The following SV2C variants were observed in gnomAD, a reference collection of about 807,000 sequenced individuals.
SV2C encodes synaptic vesicle glycoprotein 2C, also known as solute carrier family 22 member B3.
A neutral mutation model predicts 79.7 loss-of-function variants in SV2C; 49 were observed. The observed-to-expected ratio is 0.61, with a 90% confidence interval of 0.49 to 0.78. The LOEUF (loss-of-function observed/expected upper bound fraction) is 0.78, where lower values mean the gene tolerates loss of function less well. SV2C is among the 30% of genes least tolerant of loss of function. SV2C has a pLI of 0.00. For synonymous variants in SV2C, 334 were observed against 333.2 expected (o/e 1.00, Z -0.03); for missense variants, 833 against 912.9 (o/e 0.91, Z 1.13).
chr5:76,254,160 ATGTG>A (rs1474326550), intron 4 of SV2C, among the ~76,000 whole-genome samples: 1 of 89,318 alleles, frequency 1.1e-5, no homozygotes, highest in Non-Finnish European at 2.6e-5. Context: ...ATATATATAT[ATGTG>A]TGTGTGTGTA....
At chr5:76,258,111 G>C (rs1324834536) in intron 4 of SV2C, among the ~76,000 whole-genome samples, 1 of 146,564 alleles carries the variant, frequency 6.8e-6, no homozygotes, top group Non-Finnish European at 1.5e-5. Flanking sequence ...GTGTGTGGGG[G>C]TGTGGTGTAT....
At chr5:75,943,023 T>C in the SV2C span, among the ~76,000 whole-genome samples, 1 of 152,036 alleles carries the variant, frequency 6.6e-6, no homozygotes, top group African/African-American at 2.4e-5. Flanking sequence ...AACAAATAAA[T>C]AAGCAAATGC....
chr5:76,034,794 C>T, the SV2C span, among the ~76,000 whole-genome samples: 1 of 152,250 alleles, frequency 6.6e-6, no homozygotes, highest in East Asian at 1.9e-4. Flanking sequence ...CCCTCTTTTT[C>T]TATTGATTGG....
chr5:76,080,602 T>A (rs76842389), upstream of SV2C, among the ~76,000 whole-genome samples: 791 of 152,348 alleles, frequency 5.2e-3, 8 homozygotes, highest in African/African-American at 0.018. Context: ...GTACTTAGTG[T>A]GAATTATTTT....
the SV2C span, among the ~76,000 whole-genome samples, chr5:75,989,037 A>G: frequency 1.3e-5 from 2 of 151,948 alleles, no homozygotes; most frequent in Non-Finnish European, 2.9e-5. Context: ...TTCTTTCTTA[A>G]ATATACTACA....
intron 3 of SV2C, among the ~76,000 whole-genome samples, chr5:76,204,818 A>T (rs939625040): frequency 6.6e-6 from 1 of 152,124 alleles, no homozygotes; most frequent in Non-Finnish European, 1.5e-5. Flanking sequence ...AACAAACATA[A>T]TCCCCACTGG....
At chr5:76,276,678 C>T (rs149197801) in intron 4 of SV2C, among the ~76,000 whole-genome samples, 4 of 150,994 alleles carry the variant, frequency 2.6e-5, no homozygotes, top group African/African-American at 4.9e-5. Flanking sequence ...ACTCTGTCAC[C>T]TAGTAGCTAT....
chr5:75,989,100 T>C, the SV2C span, among the ~76,000 whole-genome samples: 1 of 151,960 alleles, frequency 6.6e-6, no homozygotes, highest in Non-Finnish European at 1.5e-5. Context: ...AATTTGTCAA[T>C]AGGTGGAGTT....
At chr5:76,123,151 C>T (rs1748586428) in intron 1 of SV2C, among the ~76,000 whole-genome samples, 1 of 152,180 alleles carries the variant, frequency 6.6e-6, no homozygotes, top group Non-Finnish European at 1.5e-5. Context: ...TTCGTCGACA[C>T]ATACACTCTC....
At chr5:76,239,640 A>G (rs1389040769) in intron 4 of SV2C, among the ~76,000 whole-genome samples, 6 of 152,174 alleles carry the variant, frequency 3.9e-5, no homozygotes, top group Non-Finnish European at 5.9e-5. Flanking sequence ...GTTCATCTCC[A>G]CATGAGCCTC....
At chr5:75,904,244 G>A in the SV2C span, among the ~76,000 whole-genome samples, 1 of 152,046 alleles carries the variant, frequency 6.6e-6, no homozygotes, top group South Asian at 2.1e-4. Flanking sequence ...TTTGGCGAGG[G>A]TATTTTGTTT....
rs778337902 is a variant in SV2C, at chr5:76,173,673, C to T, written c.581-21246C>T. On this transcript the variant is annotated intron_variant, in intron 2 of 12. Transcript: ENST00000502798. Reference sequence around the variant, plus strand: ...GACTTTTTGCGAGCCTTCCCAGGCACTGGAGTTTTTCTGTTAATTTGCCGC... The same window carrying T: ...GACTTTTTGCGAGCCTTCCCAGGCATTGGAGTTTTTCTGTTAATTTGCCGC... The T allele has an allele frequency of 8.1e-6, 13 of 1,613,652 alleles. No homozygotes were observed. The Admixed American group carries it at 2.2e-4, about 27-fold the overall frequency.
At chr5:76,063,996 A>T in the SV2C span, among the ~76,000 whole-genome samples, 59 of 152,290 alleles carry the variant, frequency 3.9e-4, no homozygotes, top group African/African-American at 1.2e-3. Context: ...ACGATTTTTT[A>T]AAAAAAGAAT....
At chr5:76,234,443 C>T (rs34800869) in intron 4 of SV2C, among the ~76,000 whole-genome samples, 17,915 of 152,208 alleles carry the variant, frequency 0.12, 3,069 homozygotes, top group African/African-American at 0.38. Context: ...AAAGATCTGG[C>T]AAGTTTTCTT....
At chr5:76,351,431 G>C (rs1176338553) in intron 12 of SV2C, among the ~76,000 whole-genome samples, 1 of 151,524 alleles carries the variant, frequency 6.6e-6, no homozygotes, top group East Asian at 1.9e-4. Context: ...CTGGATGACA[G>C]AGTGAGATCC....
intron 5 of SV2C, 111 bp downstream of exon 5, chr5:76,285,406 A>G (rs1195470409): frequency 1.4e-6 from 2 of 1,451,510 alleles, no homozygotes; most frequent in Admixed American, 2.2e-5. Context: ...TTCCCTTCCT[A>G]TTATAGAATG....
the SV2C span, among the ~76,000 whole-genome samples, chr5:75,934,133 G>A: frequency 1.3e-5 from 2 of 151,984 alleles, no homozygotes; most frequent in African/African-American, 4.8e-5. Context: ...TTTATCCAAG[G>A]TAAGAGGTGA....
At chr5:75,980,346 C>T in the SV2C span, among the ~76,000 whole-genome samples, 16 of 152,138 alleles carry the variant, frequency 1.1e-4, no homozygotes, top group Non-Finnish European at 2.4e-4. Context: ...AGGAGGGACT[C>T]CTCCCTAACT....
rs1218766093 is a variant in SV2C at position 76,119,501 on chromosome 5, A to G, written c.-101-12149A>G. The stretch of plus-strand genomic sequence containing the variant: ...AGGCAAGCTGGGAGCCATACTGCCC[A>G]TTCCTACCTGGAAGAAGGGACAGTC... On this transcript the variant is annotated intron_variant, in intron 1 of 12. Transcript: ENST00000502798. Among the ~76,000 whole-genome samples the G allele has an allele frequency of 3.3e-5, 5 of 152,276 alleles. No individual in the cohort carries two copies. The East Asian group carries it at 7.7e-4, about 23-fold the overall frequency.
Sources: allele counts gnomAD v4.1 joint callset (sites outside exome capture counted in the v4.1 genomes callset), GRCh38; gene constraint gnomAD v4.1.1; transcripts MANE v1.5; gene names NCBI Gene and HGNC (gene_info 2026-07-23, HGNC 2026-07-21).